Variants in KLF17 observed in about 807,000 individuals in gnomAD.
KLF17 encodes the protein Krueppel-like factor 17.
A neutral mutation model predicts 34.2 loss-of-function variants in KLF17; 31 were observed. The ratio of observed to expected loss-of-function variants is 0.91; its 90% CI spans 0.68 to 1.22. The LOEUF (loss-of-function observed/expected upper bound fraction) is 1.22. Ranked by LOEUF, KLF17 falls within the 50% of genes most tolerant of loss-of-function variation. KLF17 has a pLI of 0.00. For missense variants in KLF17, 478 were observed against 505.2 expected, an observed-to-expected ratio of 0.95 and a Z score of 0.52; for synonymous variants, 179 against 186.7, an observed-to-expected ratio of 0.96 and a Z score of 0.34.
the KLF17 span, among the ~76,000 whole-genome samples, chr1:44,065,632 A>G: frequency 1.3e-5 from 2 of 151,946 alleles, no homozygotes; most frequent in South Asian, 4.2e-4. Flanking sequence ...CTGGTCTCGA[A>G]CTTGTGGTCT....
At chr1:44,066,042 C>T in the KLF17 span, among the ~76,000 whole-genome samples, 2 of 152,114 alleles carry the variant, frequency 1.3e-5, no homozygotes, top group East Asian at 1.9e-4. Flanking sequence ...ATGGGCTGGG[C>T]ACTGTGGCTC....
chr1:44,120,660 G>A (rs548386883), intron 1 of KLF17, among the ~76,000 whole-genome samples: 197 of 152,290 alleles, frequency 1.3e-3, no homozygotes, highest in African/African-American at 4.3e-3. Flanking sequence ...GTGAAGGCAT[G>A]TTTAGACAAC....
the KLF17 span, among the ~76,000 whole-genome samples, chr1:44,047,051 A>C: frequency 6.9e-6 from 1 of 143,988 alleles, no homozygotes; most frequent in Non-Finnish European, 1.5e-5. Flanking sequence ...AAAAAAAAGC[A>C]TTCTCTGTAC....
At chr1:44,132,746 T>A (rs1417526222) in intron 3 of KLF17, among the ~76,000 whole-genome samples, 2 of 152,148 alleles carry the variant, frequency 1.3e-5, no homozygotes, top group African/African-American at 4.8e-5. Context: ...CTTCCTTAGG[T>A]CCCTGGACTA....
At position 44,130,510 on chromosome 1, in the gene KLF17, A is replaced by G. The variant is rs756375739; in HGVS notation, c.926-2A>G. The G allele has an allele frequency of 5.0e-6, 8 of 1,614,080 alleles. No homozygotes were observed. Among genetic ancestry groups the G allele is most frequent in the Non-Finnish European group, 4.2e-6 (5 of 1,179,992 alleles). Reference sequence around the variant, plus strand: ...ATTCCATCTCTCCCTTGTCATTCCCAGGTGAGAGGCCATATTCTTGCAACT... The same window carrying G: ...ATTCCATCTCTCCCTTGTCATTCCCGGGTGAGAGGCCATATTCTTGCAACT... On this transcript the variant is annotated splice_acceptor_variant, in intron 2 of 3. Coordinates refer to ENST00000372299, the MANE Select transcript of KLF17 (RefSeq NM_173484.4). LOFTEE classifies it high-confidence loss of function.
chr1:44,124,558 G>T (rs1330068044), intron 1 of KLF17, among the ~76,000 whole-genome samples: 1 of 145,570 alleles, frequency 6.9e-6, no homozygotes, highest in Non-Finnish European at 1.5e-5. Flanking sequence ...GCAGTGGCAC[G>T]ATCTCGGCTC....
At chr1:44,091,477 G>A in the KLF17 span, among the ~76,000 whole-genome samples, 1 of 151,832 alleles carries the variant, frequency 6.6e-6, no homozygotes. Context: ...CCAACCTGGT[G>A]AGACCCTGTT....
the KLF17 span, among the ~76,000 whole-genome samples, chr1:44,098,549 C>A: frequency 2.3e-3 from 278 of 118,966 alleles, no homozygotes; most frequent in Non-Finnish European, 4.3e-3. Context: ...ACTCATATTT[C>A]TTTTTTTTTT....
the KLF17 span, among the ~76,000 whole-genome samples, chr1:44,065,754 C>T: frequency 6.6e-6 from 1 of 151,982 alleles, no homozygotes; most frequent in Non-Finnish European, 1.5e-5. Flanking sequence ...ATTTATTATA[C>T]ATTAGAAGAA....
the KLF17 span, among the ~76,000 whole-genome samples, chr1:44,098,359 A>T: frequency 6.6e-6 from 1 of 151,618 alleles, no homozygotes; most frequent in African/African-American, 2.4e-5. Context: ...TTTTTTAATT[A>T]GTCTATCTAA....
chr1:44,091,599 T>C, the KLF17 span, among the ~76,000 whole-genome samples: 3 of 124,626 alleles, frequency 2.4e-5, no homozygotes, highest in African/African-American at 9.6e-5. Flanking sequence ...GAGGTTGCAG[T>C]GAGACGAGAT....
chr1:44,079,307 CT>C, the KLF17 span, among the ~76,000 whole-genome samples: 303 of 140,616 alleles, frequency 2.2e-3, no homozygotes, highest in Non-Finnish European at 2.1e-3. Context: ...TTTTCTTCTC[CT>C]TTTTTTTTTT....
At chr1:44,082,941 T>A in the KLF17 span, among the ~76,000 whole-genome samples, 3 of 59,782 alleles carry the variant, frequency 5.0e-5, no homozygotes, top group African/African-American at 2.2e-4. Context: ...TCTTTAAACT[T>A]TTTTTTTTTT....
the KLF17 span, among the ~76,000 whole-genome samples, chr1:44,108,179 T>C: frequency 1.3e-5 from 2 of 152,200 alleles, no homozygotes; most frequent in Admixed American, 6.5e-5. Flanking sequence ...CTGTCTTGCT[T>C]AGAGATTTCA....
rs1458552067 is a variant in KLF17, at chr1:44,133,547, A to T, written c.*310A>T. The T allele has an allele frequency of 4.6e-5, 7 of 152,260 alleles. No individual in the cohort carries two copies. Among genetic ancestry groups the T allele is most frequent in the African/African-American group, 1.7e-4 (7 of 41,464 alleles). 9.4% of individuals were successfully genotyped at this position (152,260 alleles called of 1,614,324 possible). On this transcript the variant is annotated 3_prime_UTR_variant, in exon 4 of 4. Coordinates refer to ENST00000372299, the MANE Select transcript of KLF17 (RefSeq NM_173484.4). ...ATCTTCTGGAAACTATGGCATGGAC[A>T]GTAAGGATTCAGAAGTGCATGAAGG...
At chr1:44,058,164 C>A in the KLF17 span, among the ~76,000 whole-genome samples, 1 of 152,238 alleles carries the variant, frequency 6.6e-6, no homozygotes. Flanking sequence ...ATCATCTTCA[C>A]CCCTCCTGGA....
the KLF17 span, among the ~76,000 whole-genome samples, chr1:44,066,326 A>G: frequency 2.0e-5 from 3 of 150,106 alleles, no homozygotes; most frequent in East Asian, 1.9e-4. Context: ...CTCAAAAGAA[A>G]CAAACAAAAA....
At chr1:44,079,307 C>CTTTTTTTTTTTTT in the KLF17 span, among the ~76,000 whole-genome samples, 162 of 140,814 alleles carry the variant, frequency 1.2e-3, no homozygotes, top group East Asian at 0.017. Flanking sequence ...TTTTCTTCTC[C>CTTTTTTTTTTTTT]TTTTTTTTTT....
the KLF17 span, among the ~76,000 whole-genome samples, chr1:44,097,689 G>A: frequency 6.6e-6 from 1 of 152,086 alleles, no homozygotes; most frequent in Admixed American, 6.5e-5. Flanking sequence ...TCCTTGTCTT[G>A]TTCCAGATCT....
Sources: allele counts gnomAD v4.1 joint callset (sites outside exome capture counted in the v4.1 genomes callset), GRCh38; gene constraint gnomAD v4.1.1; transcripts MANE v1.5; gene names NCBI Gene and HGNC (gene_info 2026-07-23, HGNC 2026-07-21).